The following KCNH8 variants were observed in gnomAD, a reference collection of about 807,000 sequenced individuals.
KCNH8 encodes potassium voltage-gated channel subfamily H member 8.
In KCNH8, 70 loss-of-function variants were observed where a neutral mutation model predicts 103.6. That is an observed-to-expected ratio of 0.68 (90% confidence interval 0.56 to 0.82). The LOEUF is 0.82. Among genes scored for constraint, KCNH8 ranks in the 40% least tolerant of loss-of-function variants. The probability of loss-of-function intolerance (pLI) is 0.00; values close to 1 mark genes in which losing one functional copy is unlikely to be tolerated. For missense variants in KCNH8, 1,217 were observed against 1,329.9 expected (o/e 0.92, Z 1.32); for synonymous variants, 498 against 489.4 (o/e 1.02, Z -0.23).
At chr3:19,222,792 T>A (rs1211648548) in intron 1 of KCNH8, among the ~76,000 whole-genome samples, 1 of 152,192 alleles carries the variant, frequency 6.6e-6, no homozygotes, top group Non-Finnish European at 1.5e-5. Context: ...TTTCAGGATA[T>A]TTTTTAGGAT....
At chr3:19,419,480 G>A (rs2066919199) in intron 7 of KCNH8, among the ~76,000 whole-genome samples, 1 of 152,036 alleles carries the variant, frequency 6.6e-6, no homozygotes, top group Non-Finnish European at 1.5e-5. Flanking sequence ...GATTACAGGC[G>A]TGAGCCACCG....
intron 5 of KCNH8, among the ~76,000 whole-genome samples, chr3:19,368,023 C>G (rs937642147): frequency 2.0e-5 from 3 of 152,016 alleles, no homozygotes; most frequent in African/African-American, 7.2e-5. Flanking sequence ...TACAGAGGAC[C>G]AAGGAGATGC....
At chr3:19,378,225 A>C (rs563859166) in intron 5 of KCNH8, among the ~76,000 whole-genome samples, 71 of 152,346 alleles carry the variant, frequency 4.7e-4, no homozygotes, top group African/African-American at 1.6e-3. Context: ...AAATTTGTAC[A>C]TATCACTTTC....
At chr3:19,377,606 G>T (rs949242308) in intron 5 of KCNH8, among the ~76,000 whole-genome samples, 4 of 152,148 alleles carry the variant, frequency 2.6e-5, no homozygotes, top group Admixed American at 6.6e-5. Flanking sequence ...CTTGGTTTTA[G>T]CAAACAACAC....
At chr3:19,338,688 A>T (rs1388319304) in intron 3 of KCNH8, among the ~76,000 whole-genome samples, 1 of 152,074 alleles carries the variant, frequency 6.6e-6, no homozygotes, top group Non-Finnish European at 1.5e-5. Context: ...CAGCAGTTGT[A>T]CATTTCTCTA....
chr3:19,225,509 T>C (rs925372790), intron 1 of KCNH8, among the ~76,000 whole-genome samples: 7 of 152,172 alleles, frequency 4.6e-5, no homozygotes, highest in Non-Finnish European at 8.8e-5. Context: ...CATTGTTTTT[T>C]AGTATCTGTT....
At chr3:19,337,033 C>T (rs1195610788) in intron 3 of KCNH8, among the ~76,000 whole-genome samples, 2 of 151,950 alleles carry the variant, frequency 1.3e-5, no homozygotes. Flanking sequence ...TTTGACCCAA[C>T]ATGATAACAC....
intron 1 of KCNH8, among the ~76,000 whole-genome samples, chr3:19,226,623 G>GCACACACACA (rs146546353): frequency 0.011 from 1,631 of 145,718 alleles, 32 homozygotes; most frequent in African/African-American, 0.039. Flanking sequence ...ACACATGCAT[G>GCACACACACA]CACACACACA....
At chr3:19,263,547 A>G (rs906114373) in intron 2 of KCNH8, among the ~76,000 whole-genome samples, 15 of 152,100 alleles carry the variant, frequency 9.9e-5, no homozygotes, top group Non-Finnish European at 1.3e-4. Flanking sequence ...CAGTTGAGAC[A>G]GTGAACCAAA....
intron 3 of KCNH8, among the ~76,000 whole-genome samples, chr3:19,315,870 A>G (rs1192921606): frequency 2.0e-5 from 3 of 152,004 alleles, no homozygotes; most frequent in Non-Finnish European, 4.4e-5. Context: ...GGCCACACGT[A>G]TATAAGAATT....
At chr3:19,404,317 T>A (rs1295410984) in intron 7 of KCNH8, among the ~76,000 whole-genome samples, 1 of 151,966 alleles carries the variant, frequency 6.6e-6, no homozygotes, top group Non-Finnish European at 1.5e-5. Context: ...AGTCTCATTT[T>A]GGTTTCTCAG....
intron 5 of KCNH8, among the ~76,000 whole-genome samples, chr3:19,350,511 G>A (rs2065785713): frequency 1.3e-5 from 2 of 152,078 alleles, no homozygotes; most frequent in Admixed American, 1.3e-4. Flanking sequence ...GCAGCTGGGT[G>A]CCCCTCTGAG....
intron 7 of KCNH8, among the ~76,000 whole-genome samples, chr3:19,395,634 G>C (rs1184258939): frequency 6.6e-6 from 1 of 151,962 alleles, no homozygotes; most frequent in Non-Finnish European, 1.5e-5. Context: ...GCTAGTAATA[G>C]TAAATCACTG....
chr3:19,470,870 A>G (rs2067841621), intron 11 of KCNH8, among the ~76,000 whole-genome samples: 1 of 152,206 alleles, frequency 6.6e-6, no homozygotes. Context: ...ATAAAAACAT[A>G]TTAAATAGGG....
At chr3:19,230,709 AAC>A (rs2063984598) in intron 1 of KCNH8, among the ~76,000 whole-genome samples, 1 of 152,016 alleles carries the variant, frequency 6.6e-6, no homozygotes, top group African/African-American at 2.4e-5. Flanking sequence ...CTCAAGAAAA[AAC>A]AGATGGTTTG....
chr3:19,211,765 C>T (rs1575440194), intron 1 of KCNH8, among the ~76,000 whole-genome samples: 1 of 152,082 alleles, frequency 6.6e-6, no homozygotes, highest in African/African-American at 2.4e-5. Flanking sequence ...TTTTAGTTCT[C>T]TTAATCTTAT....
At chr3:19,308,461 G>A (rs2125294793) in intron 3 of KCNH8, among the ~76,000 whole-genome samples, 1 of 151,816 alleles carries the variant, frequency 6.6e-6, no homozygotes. Context: ...ATATTTCAAG[G>A]TTTGTCCATT....
At chr3:19,409,852 G>A (rs2066750007) in intron 7 of KCNH8, among the ~76,000 whole-genome samples, 1 of 152,012 alleles carries the variant, frequency 6.6e-6, no homozygotes, top group Non-Finnish European at 1.5e-5. Flanking sequence ...ACCAAACACA[G>A]GAGCACCCAA....
intron 1 of KCNH8, among the ~76,000 whole-genome samples, chr3:19,206,306 T>C (rs1042207482): frequency 2.8e-5 from 4 of 141,456 alleles, no homozygotes; most frequent in African/African-American, 9.3e-5. Flanking sequence ...CACTCGTTGA[T>C]TGATGGGCAT....
Sources: gnomAD v4.1 joint callset for allele counts (sites outside exome capture counted in the v4.1 genomes callset) on GRCh38, gnomAD v4.1.1 for gene constraint, MANE v1.5 for transcripts, NCBI Gene and HGNC (gene_info 2026-07-23, HGNC 2026-07-21) for gene names.